MALRD1: variants seen among roughly 807,000 people sequenced by gnomAD.
The protein encoded by MALRD1 is MAM and LDL receptor class A domain containing 1, also known as MAM and LDL-receptor class A domain-containing protein 1.
Under a neutral mutation model 242.1 loss-of-function variants are expected in MALRD1, and 247 were observed. The observed-to-expected ratio is 1.02, with a 90% CI of 0.92 to 1.13. MALRD1 has a LOEUF of 1.13. Among genes scored for constraint, MALRD1 ranks in the 50% most tolerant of loss-of-function variants. The pLI is 0.00. For synonymous variants in MALRD1, 995 were observed against 866.6 expected (o/e 1.15, Z -2.60); for missense variants, 2,989 against 2,533.1 (o/e 1.18, Z -3.86).
chr10:19,309,318 T>A (rs1044736847), intron 21 of MALRD1, among the ~76,000 whole-genome samples: 17 of 151,528 alleles, frequency 1.1e-4, no homozygotes, highest in African/African-American at 4.1e-4. Flanking sequence ...TAAGAATTTA[T>A]AGTATCTCTT....
chr10:19,691,703 T>C lies in MALRD1; in HGVS notation c.6138-579T>C, dbSNP rs184192990. ...CGTACCAGTGTTAAAAGTTTCATCATGTACATCCCTAAATAAAACAAAGGT... is the reference window on the plus strand; with the variant it reads ...CGTACCAGTGTTAAAAGTTTCATCACGTACATCCCTAAATAAAACAAAGGT... On this transcript the variant is annotated intron_variant, in intron 36 of 39. Transcript: ENST00000454679. Among the ~76,000 whole-genome samples, 390 of 152,254 alleles carry C rather than the reference T, an allele frequency of 2.6e-3. 1 individual carries two copies. Among genetic ancestry groups the C allele is most frequent in the African/African-American group, 9.0e-3 (374 of 41,584 alleles).
At chr10:19,696,323 TA>T (rs1036239168) in intron 38 of MALRD1, among the ~76,000 whole-genome samples, 2 of 152,180 alleles carry the variant, frequency 1.3e-5, no homozygotes, top group African/African-American at 4.8e-5. Context: ...AAGGGCTCAC[TA>T]AAAGATTTAA....
At chr10:19,242,083 T>C (rs79966831) in intron 18 of MALRD1, among the ~76,000 whole-genome samples, 7,833 of 152,216 alleles carry the variant, frequency 0.051, 491 homozygotes, top group East Asian at 0.17. Flanking sequence ...AAGACATACC[T>C]GAGACTGGGT....
intron 32 of MALRD1, among the ~76,000 whole-genome samples, chr10:19,552,956 T>G (rs1188203621): frequency 6.6e-6 from 1 of 152,076 alleles, no homozygotes; most frequent in Non-Finnish European, 1.5e-5. Context: ...AAAACAAATT[T>G]TAATATGCAA....
chr10:19,140,043 A>G (rs1050504207), intron 10 of MALRD1, among the ~76,000 whole-genome samples: 1 of 152,236 alleles, frequency 6.6e-6, no homozygotes, highest in Non-Finnish European at 1.5e-5. Context: ...CAATATTAAT[A>G]AAATATTTAT....
rs574934342 is a variant in MALRD1, at chr10:19,542,481, C to G, written c.5478+11130C>G. Among the ~76,000 whole-genome samples, 3 of 151,792 alleles carry G rather than the reference C, an allele frequency of 2.0e-5. No individual in the cohort carries two copies. The South Asian group carries it at 6.2e-4, about 32-fold the overall frequency. On this transcript the variant is annotated intron_variant, in intron 32 of 39. Coordinates refer to ENST00000454679, the MANE Select transcript of MALRD1 (RefSeq NM_001142308.3). Reference sequence around the variant, plus strand: ...TGATTTCTAGTTTTAACTACTTAATCTAGTTATAATTCATTTTTGTTTATG... The same window carrying G: ...TGATTTCTAGTTTTAACTACTTAATGTAGTTATAATTCATTTTTGTTTATG...
chr10:19,167,130 C>A (rs546147326), intron 13 of MALRD1, among the ~76,000 whole-genome samples: 1 of 151,988 alleles, frequency 6.6e-6, no homozygotes, highest in Non-Finnish European at 1.5e-5. Context: ...GAGGCTGAGG[C>A]GGGTGGATCA....
At chr10:19,728,424 C>T (rs1018977364) in intron 38 of MALRD1, 1 of 152,126 alleles carries the variant, frequency 6.6e-6, no homozygotes, top group Non-Finnish European at 1.5e-5. Context: ...GCCTGCTGAC[C>T]GTGGTCTGGG....
chr10:19,152,103 G>A (rs1833964294), intron 11 of MALRD1, among the ~76,000 whole-genome samples: 1 of 152,034 alleles, frequency 6.6e-6, no homozygotes, highest in Non-Finnish European at 1.5e-5. Context: ...ATATTGTGCT[G>A]GTCACATAGC....
intron 36 of MALRD1, among the ~76,000 whole-genome samples, chr10:19,657,633 A>G (rs1413162694): frequency 6.6e-6 from 1 of 152,186 alleles, no homozygotes; most frequent in Non-Finnish European, 1.5e-5. Flanking sequence ...ATTTATGAAT[A>G]ATAATCACAT....
chr10:19,519,863 G>C (rs545067825), intron 31 of MALRD1, among the ~76,000 whole-genome samples: 1 of 152,030 alleles, frequency 6.6e-6, no homozygotes, highest in Non-Finnish European at 1.5e-5. Flanking sequence ...ACTATTAAAC[G>C]GTCTACTTTC....
chr10:19,376,681 G>A (rs1845622299), intron 26 of MALRD1, among the ~76,000 whole-genome samples: 2 of 149,696 alleles, frequency 1.3e-5, no homozygotes, highest in Non-Finnish European at 3.0e-5. Flanking sequence ...TCAGCCTCCC[G>A]AGTAGCTGAG....
intron 28 of MALRD1, among the ~76,000 whole-genome samples, chr10:19,413,626 A>T (rs1833374974): frequency 6.6e-6 from 1 of 151,846 alleles, no homozygotes; most frequent in South Asian, 2.1e-4. Context: ...CCCATTTACC[A>T]GATTATTATT....
Position 19,165,261 on chromosome 10 carries a change from A to T in MALRD1, c.1657-376A>T, listed in dbSNP as rs1380295158. On this transcript the variant is annotated intron_variant, in intron 12 of 39. Transcript: ENST00000454679. ...GTTTGGAATATATATATATATATAT[A>T]TATATTTTGTTTTGTTTTGTTTTTG... is the stretch of plus-strand genomic sequence containing the variant. Among the ~76,000 whole-genome samples the T allele has an allele frequency of 3.1e-4, 26 of 82,918 alleles. 1 individual carries two copies. Among genetic ancestry groups the T allele is most frequent in the Admixed American group, 4.5e-4 (3 of 6,732 alleles). 54.4% of individuals were successfully genotyped at this position (82,918 alleles called of 152,430 possible).
At chr10:19,302,756 G>A (rs1591334) in intron 21 of MALRD1, among the ~76,000 whole-genome samples, 19,485 of 151,652 alleles carry the variant, frequency 0.13, 1,508 homozygotes, top group South Asian at 0.32. Context: ...GAACTTTATG[G>A]TATGTGAATT....
At chr10:19,133,310 A>G (rs1833188187) in intron 8 of MALRD1, among the ~76,000 whole-genome samples, 1 of 152,194 alleles carries the variant, frequency 6.6e-6, no homozygotes, top group South Asian at 2.1e-4. Context: ...TAGGCCTTTG[A>G]TAGAATGACC....
intron 32 of MALRD1, among the ~76,000 whole-genome samples, chr10:19,549,624 G>A (rs934442198): frequency 2.0e-5 from 3 of 152,130 alleles, no homozygotes; most frequent in African/African-American, 4.8e-5. Flanking sequence ...ACACTTAACC[G>A]ACTACAGTAT....
chr10:19,520,918 A>C (rs1833851341), intron 31 of MALRD1, among the ~76,000 whole-genome samples: 1 of 152,126 alleles, frequency 6.6e-6, no homozygotes, highest in East Asian at 1.9e-4. Flanking sequence ...CCAATCAAAT[A>C]TTCCTTCCTT....
intron 18 of MALRD1, among the ~76,000 whole-genome samples, chr10:19,249,288 G>A (rs905583062): frequency 1.3e-5 from 2 of 151,660 alleles, no homozygotes; most frequent in Non-Finnish European, 2.9e-5. Flanking sequence ...AAATCGAATT[G>A]GAATCCAGGA....
Sources: gnomAD v4.1 joint callset for allele counts (sites outside exome capture counted in the v4.1 genomes callset) on GRCh38, gnomAD v4.1.1 for gene constraint, MANE v1.5 for transcripts, NCBI Gene and HGNC (gene_info 2026-07-23, HGNC 2026-07-21) for gene names.